DCC: variants seen among roughly 807,000 people sequenced by gnomAD.
DCC encodes netrin receptor DCC.
DCC carries 58 observed loss-of-function variants against 172.5 expected under a neutral mutation model. That is an observed-to-expected ratio of 0.34 (90% CI 0.27 to 0.42). DCC has a LOEUF of 0.42. Among genes scored for constraint, DCC ranks in the 10% least tolerant of loss-of-function variants. DCC has a pLI of 1.00. For synonymous variants in DCC, 709 were observed against 644.5 expected (o/e 1.10, Z -1.52); for missense variants, 1,740 against 1,791.0 (o/e 0.97, Z 0.51).
At chr18:53,439,219 C>T (rs1026578671) in intron 22 of DCC, among the ~76,000 whole-genome samples, 1 of 151,578 alleles carries the variant, frequency 6.6e-6, no homozygotes, top group African/African-American at 2.4e-5. Context: ...ACAAGCAAAT[C>T]AGCAAAGGCA....
intron 3 of DCC, among the ~76,000 whole-genome samples, chr18:52,907,812 A>C (rs886476182): frequency 6.6e-6 from 1 of 152,198 alleles, no homozygotes. Flanking sequence ...AGACTGTCCC[A>C]GAGCCTGGCC....
At chr18:53,514,117 C>T (rs908071344) in intron 27 of DCC, among the ~76,000 whole-genome samples, 7 of 152,160 alleles carry the variant, frequency 4.6e-5, no homozygotes, top group African/African-American at 1.7e-4. Context: ...GACCACAGTG[C>T]AATCAAACTA....
chr18:52,371,159 A>ATT (rs1568137111), intron 1 of DCC, among the ~76,000 whole-genome samples: 1 of 151,656 alleles, frequency 6.6e-6, no homozygotes, highest in Admixed American at 6.6e-5. Flanking sequence ...GCTGATTTAA[A>ATT]AAAAAAAATC....
chr18:53,339,523 T>C (rs548073411), intron 14 of DCC, among the ~76,000 whole-genome samples, 190 bp from the exon 15 acceptor site: 1 of 152,186 alleles, frequency 6.6e-6, no homozygotes, highest in Non-Finnish European at 1.5e-5. Flanking sequence ...CTTGTATGCT[T>C]AAGAAATTTT....
chr18:53,358,482 T>C (rs1176093311), intron 15 of DCC, among the ~76,000 whole-genome samples: 1 of 151,692 alleles, frequency 6.6e-6, no homozygotes, highest in African/African-American at 2.4e-5. Context: ...AGAAACCATA[T>C]TTAGGAACGT....
chr18:52,430,931 C>A (rs1434487590), intron 1 of DCC, among the ~76,000 whole-genome samples: 2 of 152,060 alleles, frequency 1.3e-5, no homozygotes, highest in African/African-American at 4.8e-5. Context: ...ATGCCCAAAC[C>A]TTTTAGAGGA....
At chr18:53,227,182 C>T (rs1409302629) in intron 12 of DCC, among the ~76,000 whole-genome samples, 5 of 151,616 alleles carry the variant, frequency 3.3e-5, no homozygotes, top group East Asian at 3.9e-4. Context: ...CTACTGACCT[C>T]GTGATCTGCC....
chr18:52,837,640 G>A (rs1490530025), intron 2 of DCC, among the ~76,000 whole-genome samples: 1 of 152,160 alleles, frequency 6.6e-6, no homozygotes, highest in South Asian at 2.1e-4. Flanking sequence ...TCTCTAGGAA[G>A]TTCCAAACTT....
At chr18:52,866,688 A>C (rs368415736) in intron 2 of DCC, among the ~76,000 whole-genome samples, 2 of 151,898 alleles carry the variant, frequency 1.3e-5, no homozygotes, top group African/African-American at 4.8e-5. Flanking sequence ...CTCTTTGTCT[A>C]TTATTTGTGT....
At chr18:52,845,656 G>T (rs1208332014) in intron 2 of DCC, among the ~76,000 whole-genome samples, 1 of 152,170 alleles carries the variant, frequency 6.6e-6, no homozygotes, top group East Asian at 1.9e-4. Flanking sequence ...CCATCATAGG[G>T]CATAGAATAG....
At chr18:53,049,038 A>AT (rs1043490122) in intron 5 of DCC, among the ~76,000 whole-genome samples, 18 of 151,410 alleles carry the variant, frequency 1.2e-4, no homozygotes, top group South Asian at 4.2e-4. Flanking sequence ...GTTGTTTAGT[A>AT]TTTTTTTTGT....
intron 2 of DCC, among the ~76,000 whole-genome samples, chr18:52,896,070 C>A (rs1022650358): frequency 6.6e-6 from 1 of 152,140 alleles, no homozygotes; most frequent in Non-Finnish European, 1.5e-5. Context: ...CAGGTGTGAG[C>A]CACTGCACCC....
chr18:53,511,944 C>T (rs532311458), intron 27 of DCC, among the ~76,000 whole-genome samples: 3 of 152,226 alleles, frequency 2.0e-5, no homozygotes, highest in African/African-American at 7.2e-5. Flanking sequence ...CCAGGAAGCT[C>T]GAACTGGGTG....
intron 1 of DCC, among the ~76,000 whole-genome samples, chr18:52,707,655 T>C (rs966435809): frequency 1.1e-4 from 16 of 152,324 alleles, no homozygotes; most frequent in African/African-American, 3.8e-4. Flanking sequence ...AATGTATCTA[T>C]ACACAATGGA....
At chr18:53,442,405 T>C (rs1912330076) in intron 22 of DCC, among the ~76,000 whole-genome samples, 1 of 152,230 alleles carries the variant, frequency 6.6e-6, no homozygotes, top group African/African-American at 2.4e-5. Context: ...ATTACTATTG[T>C]AATTGCTTTG....
At chr18:52,990,509 C>CA (rs1173385769) in intron 5 of DCC, among the ~76,000 whole-genome samples, 1 of 138,410 alleles carries the variant, frequency 7.2e-6, no homozygotes, top group Non-Finnish European at 1.5e-5. Flanking sequence ...CATTGCACTC[C>CA]ACCCTGGGCA....
chr18:53,112,262 C>T (rs2043344240), intron 7 of DCC, among the ~76,000 whole-genome samples: 1 of 151,390 alleles, frequency 6.6e-6, no homozygotes, highest in African/African-American at 2.4e-5. Context: ...TTTTCTATAG[C>T]AGTCTCTTCT....
chr18:52,675,479 A>G (rs1341140982), intron 1 of DCC, among the ~76,000 whole-genome samples: 1 of 152,134 alleles, frequency 6.6e-6, no homozygotes, highest in Non-Finnish European at 1.5e-5. Context: ...AAATCAACGT[A>G]TTTCCTAAAT....
intron 3 of DCC, among the ~76,000 whole-genome samples, chr18:52,908,388 T>C (rs923499301): frequency 6.6e-6 from 1 of 152,194 alleles, no homozygotes; most frequent in African/African-American, 2.4e-5. Flanking sequence ...TCCCAAAACA[T>C]ACATGCATCT....
Sources: allele counts gnomAD v4.1 joint callset (sites outside exome capture counted in the v4.1 genomes callset), GRCh38; gene constraint gnomAD v4.1.1; transcripts MANE v1.5; gene names NCBI Gene and HGNC (gene_info 2026-07-23, HGNC 2026-07-21).